The following EFCAB8 variants were observed in gnomAD, a reference collection of about 807,000 sequenced individuals.
The protein encoded by EFCAB8 is EF-hand calcium-binding domain-containing protein 8.
A neutral mutation model predicts 116.3 loss-of-function variants in EFCAB8; 100 were observed. The observed-to-expected ratio is 0.86, with a 90% CI of 0.73 to 1.02. The LOEUF is 1.02. EFCAB8 is among the 50% of genes least tolerant of loss of function. The pLI, the probability that EFCAB8 is intolerant of heterozygous loss-of-function variation, is 0.00. For synonymous variants in EFCAB8, 558 were observed against 567.9 expected, an observed-to-expected ratio of 0.98 and a Z score of 0.25; for missense variants, 1,320 against 1,416.9, an observed-to-expected ratio of 0.93 and a Z score of 1.10.
rs182272253 is a variant in EFCAB8 at position 32,931,420 on chromosome 20, A to G, written c.2790+84A>G. Reference sequence around the variant, plus strand: ...AGGACCATAAACTAACTCATACCCAAGAGAAATACACTTACTAAAAGATAA... The same window carrying G: ...AGGACCATAAACTAACTCATACCCAGGAGAAATACACTTACTAAAAGATAA... On this transcript the variant is annotated intron_variant, in intron 22 of 26. Coordinates refer to ENST00000400522, the MANE Select transcript of EFCAB8 (RefSeq NM_001143967.2). 1.4e-5 allele frequency: 20 copies of G among 1,404,936 alleles called. No individual in the cohort carries two copies. The East Asian group carries it at 4.7e-4, about 33-fold the overall frequency. The allele number at this position is 1,404,936 out of a possible 1,614,324, so 87.0% of individuals were successfully genotyped here. A position where few individuals can be genotyped will look rare whatever the true frequency, so the allele number is the denominator to read the frequency against.
intron 3 of EFCAB8, among the ~76,000 whole-genome samples, chr20:32,871,683 T>C (rs1170827441): frequency 6.6e-6 from 1 of 152,136 alleles, no homozygotes; most frequent in Non-Finnish European, 1.5e-5. Context: ...TTTTTCTCTT[T>C]TGAAAGTCTT....
chr20:32,942,259 C>G (rs760674897), intron 22 of EFCAB8, among the ~76,000 whole-genome samples: 5 of 151,988 alleles, frequency 3.3e-5, no homozygotes, highest in East Asian at 1.9e-4. Flanking sequence ...AATTAAGATG[C>G]CTTTGTTTAT....
At position 32,889,318 on chromosome 20, in the gene EFCAB8, G is replaced by T. The variant is rs529027446; in HGVS notation, c.585G>T (p.Gln195His). 6.4e-7 allele frequency: 1 copy of T among 1,551,656 alleles called. No homozygotes were observed. The highest frequency in any genetic ancestry group is 1.2e-5 in the South Asian group (1 of 84,040). ...MSSFRLNQTQ[Q>H]LYNQPMWVID... ...CTGGCCAGCTTAACCAGACCCAGCA[G>T]CTCTACAACCAGCCGATGTGGGTCA... The change falls in exon 7 of 27, where the codon CAG becomes CAT. Residue 195 changes from glutamine to histidine, a missense_variant. Coordinates refer to ENST00000400522, the MANE Select transcript of EFCAB8 (RefSeq NM_001143967.2).
In EFCAB8 at chr20:32,907,040, C is replaced by T. The variant is rs537901371; in HGVS notation, c.1308+46C>T. On this transcript the variant is annotated intron_variant, in intron 13 of 26. Coordinates refer to ENST00000400522, the MANE Select transcript of EFCAB8 (RefSeq NM_001143967.2). ...TGACTCCTTCTGTTCCTCAGGGAAA[C>T]ACACTGGCCAGAGAAATGGCATGAC... 1.5e-4 allele frequency: 220 copies of T among 1,468,724 alleles called. 4 individuals are homozygous for T. In the South Asian group the frequency reaches 2.9e-3, roughly 20 times the overall value. 91.0% of individuals were successfully genotyped at this position (1,468,724 alleles called of 1,614,324 possible).
intron 23 of EFCAB8, among the ~76,000 whole-genome samples, chr20:32,955,975 C>T (rs952409782): frequency 6.6e-6 from 1 of 151,632 alleles, no homozygotes; most frequent in African/African-American, 2.4e-5. Flanking sequence ...TAAATATCAA[C>T]AATTATGTAG....
In EFCAB8 at chr20:32,961,689, A is replaced by C; in HGVS notation, c.*80A>C. The stretch of plus-strand genomic sequence containing the variant: ...CCTGCATGTTCTCGGCTTATTCCCT[A>C]CCAGACCCAGAGGATGTGGCTCTTC... On this transcript the variant is annotated 3_prime_UTR_variant, in exon 27 of 27. Transcript: ENST00000400522. 1.1e-6 allele frequency: 1 copy of C among 869,606 alleles called. No homozygotes were observed. The highest frequency in any genetic ancestry group is 1.5e-6 in the Non-Finnish European group (1 of 648,208). The allele number at this position is 869,606 out of a possible 1,614,324, so 53.9% of individuals were successfully genotyped here.
chr20:32,925,241 A>T (rs1359333538), intron 20 of EFCAB8, among the ~76,000 whole-genome samples: 1 of 152,020 alleles, frequency 6.6e-6, no homozygotes, highest in African/African-American at 2.4e-5. Flanking sequence ...TATTTTTGAG[A>T]TGGAGTCTCA....
At chr20:32,877,371 G>A (rs1184772532) in intron 4 of EFCAB8, among the ~76,000 whole-genome samples, 4 of 151,850 alleles carry the variant, frequency 2.6e-5, no homozygotes, top group Non-Finnish European at 5.9e-5. Context: ...ACCACACCTG[G>A]CTAATTTTTG....
At chr20:32,889,863 G>A (rs1985825555) in intron 7 of EFCAB8, among the ~76,000 whole-genome samples, 1 of 152,128 alleles carries the variant, frequency 6.6e-6, no homozygotes, top group South Asian at 2.1e-4. Context: ...TTACCTGGGA[G>A]TGGTGGCACA....
intron 11 of EFCAB8, among the ~76,000 whole-genome samples, chr20:32,904,728 G>A (rs548030326): frequency 1.1e-3 from 170 of 151,912 alleles, no homozygotes; most frequent in Non-Finnish European, 1.8e-3. Flanking sequence ...CCAGGTCCAG[G>A]TGATTCTCCT....
intron 9 of EFCAB8, among the ~76,000 whole-genome samples, chr20:32,893,827 C>T (rs911731119): frequency 1.4e-4 from 21 of 152,080 alleles, no homozygotes; most frequent in African/African-American, 4.8e-4. Flanking sequence ...GCTTTGCATG[C>T]ATCACCTCCC....
chr20:32,917,506 G>C lies in EFCAB8; in HGVS notation c.2061+1G>C. 1 of 1,365,748 alleles carries C rather than the reference G, an allele frequency of 7.3e-7. No homozygotes were observed. Among genetic ancestry groups the C allele is most frequent in the Non-Finnish European group, 9.7e-7 (1 of 1,033,334 alleles). 84.6% of individuals were successfully genotyped at this position (1,365,748 alleles called of 1,614,324 possible). On this transcript the variant is annotated splice_donor_variant, in intron 18 of 26. Coordinates refer to ENST00000400522, the MANE Select transcript of EFCAB8 (RefSeq NM_001143967.2). LOFTEE classifies it high-confidence loss of function. ...CCCCTCGCCCTTGCAGCCCAAGAGG[G>C]TATGTTAACAGGAGCACACTCTCCT...
Position 32,954,733 on chromosome 20 carries a change from TA to T in EFCAB8, c.2960-3680del, listed in dbSNP as rs569074335. Among the ~76,000 whole-genome samples the T allele has an allele frequency of 5.9e-5, 9 of 152,178 alleles. No individual in the cohort carries two copies. The South Asian group carries it at 1.2e-3, about 21-fold the overall frequency. On this transcript the variant is annotated intron_variant, in intron 23 of 26. Transcript: ENST00000400522. The stretch of plus-strand genomic sequence containing the variant: ...TCTATTTCTAATTAGCCAAGAGAGT[TA>T]AAAAAAATCATAAATAGGTGTTGAA...
chr20:32,885,816 T>C (rs554937696), intron 6 of EFCAB8, among the ~76,000 whole-genome samples, 176 bp downstream of exon 6: 1 of 152,312 alleles, frequency 6.6e-6, no homozygotes, highest in East Asian at 1.9e-4. Flanking sequence ...CACATTTCCC[T>C]TCTGCTAAGC....
intron 3 of EFCAB8, among the ~76,000 whole-genome samples, chr20:32,872,866 C>T (rs577132735): frequency 4.2e-4 from 63 of 148,470 alleles, no homozygotes; most frequent in African/African-American, 1.5e-3. Flanking sequence ...CCGAGGTGGG[C>T]GGATCGCCTG....
intron 22 of EFCAB8, among the ~76,000 whole-genome samples, chr20:32,933,615 C>G (rs373402155): frequency 3.3e-5 from 5 of 152,232 alleles, no homozygotes; most frequent in East Asian, 3.8e-4. Flanking sequence ...TTCCCATTCT[C>G]TCTCCCTTAT....
rs568559824 is a variant in EFCAB8 at position 32,961,365 on chromosome 20, C to G, written c.3623C>G (p.Ser1208Ter). The part of the protein sequence containing the change: ...SPSSLLSVTA[S>*]ASRLLDSSLP... Reference sequence around the variant, plus strand: ...TCTTCCTTGTTATCTGTCACTGCCTCAGCCTCCAGGCTGCTGGACTCCAGC... The same window carrying G: ...TCTTCCTTGTTATCTGTCACTGCCTGAGCCTCCAGGCTGCTGGACTCCAGC... The change falls in exon 27 of 27, where the codon TCA becomes TGA. Residue 1208 changes from serine to a stop codon, truncating the protein, a stop_gained. Coordinates refer to ENST00000400522, the MANE Select transcript of EFCAB8 (RefSeq NM_001143967.2). LOFTEE classifies it low-confidence loss of function (END_TRUNC). 1.4e-6 allele frequency: 2 copies of G among 1,467,336 alleles called. No homozygotes were observed. Among genetic ancestry groups the G allele is most frequent in the South Asian group, 1.4e-5 (1 of 68,982 alleles). 90.9% of individuals were successfully genotyped at this position (1,467,336 alleles called of 1,614,324 possible).
intron 1 of EFCAB8, among the ~76,000 whole-genome samples, chr20:32,859,437 C>T (rs747556760): frequency 2.2e-4 from 34 of 152,122 alleles, no homozygotes; most frequent in South Asian, 2.1e-4. Flanking sequence ...TTGGCCTCTC[C>T]CCTCTTGCTT....
At chr20:32,875,462 CAA>C (rs1295057240) in intron 3 of EFCAB8, among the ~76,000 whole-genome samples, 1 of 150,306 alleles carries the variant, frequency 6.7e-6, no homozygotes, top group Non-Finnish European at 1.5e-5. Flanking sequence ...GAGGCAGCAC[CAA>C]GACTGCCTTG....
Sources: gnomAD v4.1 joint callset for allele counts (sites outside exome capture counted in the v4.1 genomes callset) on GRCh38, gnomAD v4.1.1 for gene constraint, MANE v1.5 for transcripts, NCBI Gene and HGNC (gene_info 2026-07-23, HGNC 2026-07-21) for gene names.